KLK15: variants seen among roughly 807,000 people sequenced by gnomAD.
KLK15 encodes kallikrein-15.
In KLK15, 19 loss-of-function variants were observed where a neutral mutation model predicts 21.1. The observed-to-expected ratio is 0.90, with a 90% confidence interval of 0.63 to 1.32. The LOEUF is 1.32. Ranked by LOEUF, KLK15 falls within the 40% of genes most tolerant of loss-of-function variation. KLK15 has a pLI of 0.00. For synonymous variants in KLK15, 141 were observed against 141.5 expected (o/e 1.00, Z 0.03); for missense variants, 345 against 348.6 (o/e 0.99, Z 0.08).
At chr19:50,826,646 T>G in exon 4 of KLK15, 1 of 1,608,106 alleles carries the variant, frequency 6.2e-7, no homozygotes, top group Middle Eastern at 1.7e-4. Context: ...GCCTCTGCCC[T>G]CCGCGCCTGC....
intron 4 of KLK15, chr19:50,826,173 A>G (rs1024220154): frequency 1.2e-5 from 6 of 519,958 alleles, no homozygotes; most frequent in Non-Finnish European, 1.4e-5. Context: ...CCTATATCCA[A>G]TCTCACCCCC....
At chr19:50,828,447 A>C (rs1351461730) in intron 1 of KLK15, among the ~76,000 whole-genome samples, 1 of 151,566 alleles carries the variant, frequency 6.6e-6, no homozygotes, top group East Asian at 1.9e-4. Flanking sequence ...CGGTCACCAA[A>C]TTGTCACAGA....
At chr19:50,827,579 G>T (rs550967007) in intron 2 of KLK15, 83 bp downstream of exon 3, 4 of 1,427,244 alleles carry the variant, frequency 2.8e-6, no homozygotes, top group East Asian at 4.7e-5. Context: ...GAGTTCTGGC[G>T]TCTGCCTCCG....
At chr19:50,829,775 C>T (rs1190891291) in intron 1 of KLK15, among the ~76,000 whole-genome samples, 1 of 151,768 alleles carries the variant, frequency 6.6e-6, no homozygotes, top group East Asian at 1.9e-4. Context: ...TGAGGTTGCA[C>T]CACTGAACTC....
chr19:50,826,596 C>A (rs1199840343), intron 4 of KLK15, 25 bp downstream of exon 5: 1 of 1,560,976 alleles, frequency 6.4e-7, no homozygotes. Flanking sequence ...TCTTCTTCCG[C>A]CTGATGGCCC....
At chr19:50,826,828 G>C (rs758511227) in intron 3 of KLK15, 50 bp downstream of exon 4, 1 of 1,565,764 alleles carries the variant, frequency 6.4e-7, no homozygotes, top group Non-Finnish European at 8.6e-7. Flanking sequence ...AAGAGCCCTG[G>C]AGCATAGGAT....
chr19:50,826,615 T>C lies in KLK15; in HGVS notation c.618+6A>G, dbSNP rs768498262. The C allele has an allele frequency of 1.3e-6, 2 of 1,590,290 alleles. No homozygotes were observed. The highest frequency in any genetic ancestry group is 4.5e-5 in the East Asian group (2 of 44,716). ...CTTCCGCCTGATGGCCCCTCTAGGC[T>C]CTGACCTCACAGGATTCTGCGCCTC... On this transcript the variant is annotated splice_donor_region_variant and intron_variant, in intron 4 of 4. Transcript: ENST00000598239.
At chr19:50,830,685 A>G (rs1052381743) in intron 1 of KLK15, 1 of 173,778 alleles carries the variant, frequency 5.8e-6, no homozygotes, top group Non-Finnish European at 1.2e-5. Flanking sequence ...CAATTTCTCC[A>G]GAAGAGAGGC....
At chr19:50,833,574 G>T (rs1341212131), upstream of KLK15, among the ~76,000 whole-genome samples, 1 of 152,154 alleles carries the variant, frequency 6.6e-6, no homozygotes, top group Admixed American at 6.5e-5. Flanking sequence ...GGTGCCAGAA[G>T]GGAGCAGGTA....
chr19:50,831,469 G>A (rs1179130005), exon 1 of KLK15: 1 of 1,448,182 alleles, frequency 6.9e-7, no homozygotes, highest in Non-Finnish European at 9.0e-7. Context: ...CCAGCAGGAA[G>A]GAGAGAGTGA....
At chr19:50,827,734 C>T (rs200999769) in exon 2 of KLK15, 4 of 1,611,124 alleles carry the variant, frequency 2.5e-6, no homozygotes, top group Admixed American at 3.3e-5. Flanking sequence ...AAAGCGTCCA[C>T]GCTCGTAGAG....
In KLK15 at chr19:50,830,919, C is replaced by G. The variant is rs77074320; in HGVS notation, c.43+531G>C. Among the ~76,000 whole-genome samples the G allele has an allele frequency of 3.7e-3, 571 of 152,316 alleles. 1 individual carries two copies. Among genetic ancestry groups the G allele is most frequent in the Non-Finnish European group, 6.6e-3 (450 of 68,020 alleles). On this transcript the variant is annotated intron_variant, in intron 1 of 4. Coordinates refer to ENST00000598239, the Ensembl canonical transcript of KLK15. ...GGGCACTACCTGGGCCAGGCTTATG[C>G]TTCTGCCTCACACACAACCACATTT...
exon 5 of KLK15, chr19:50,825,891 C>G (rs777710085): frequency 1.2e-6 from 2 of 1,613,954 alleles, no homozygotes; most frequent in South Asian, 2.2e-5. Context: ...GGGACGTCAC[C>G]CCAGGACACA....
chr19:50,827,089 A>C lies in KLK15; in HGVS notation c.270T>G (p.Ser90=), dbSNP rs1226220744. 3.1e-6 allele frequency: 5 copies of C among 1,605,972 alleles called. No homozygotes were observed. In the South Asian group the frequency reaches 5.5e-5, roughly 18 times the overall value. Residue 90 remains serine (S), a synonymous_variant, in exon 3 of 5, where the codon TCT becomes TCG. Coordinates refer to ENST00000598239, the Ensembl canonical transcript of KLK15. ...CGTAGCGCGGGTGTGGAATGACCCG[A>C]GACGTGGTCCGTAGTTGCTCTGGGC...
At chr19:50,826,208 A>C in intron 4 of KLK15, 1 of 501,034 alleles carries the variant, frequency 2.0e-6, no homozygotes, top group Non-Finnish European at 3.5e-6. Flanking sequence ...CAACTGTACT[A>C]AGTTAAATCC....
At chr19:50,827,087 C>T in exon 3 of KLK15, 1 of 1,606,004 alleles carries the variant, frequency 6.2e-7, no homozygotes, top group Non-Finnish European at 8.5e-7. Flanking sequence ...TGGAATGACC[C>T]GAGACGTGGT....
intron 4 of KLK15, chr19:50,826,217 C>G: frequency 2.1e-6 from 1 of 485,444 alleles, no homozygotes; most frequent in South Asian, 3.6e-5. Context: ...TAAGTTAAAT[C>G]CAACTCAGCC....
upstream of KLK15, among the ~76,000 whole-genome samples, chr19:50,831,797 C>T (rs1009816569): frequency 6.6e-6 from 1 of 150,974 alleles, no homozygotes; most frequent in African/African-American, 2.4e-5. Flanking sequence ...CCATCATCAC[C>T]AAGGACCCCT....
In KLK15 at chr19:50,831,449, C is replaced by T; in HGVS notation, c.43+1G>A. ...CTGGCCCCCTCCTGGGGCCACCTCA[C>T]CTGTGGATGCCAGCAGGAAGGAGAG... On this transcript the variant is annotated splice_donor_variant, in intron 1 of 4. Transcript: ENST00000598239. LOFTEE classifies it high-confidence loss of function. The T allele has an allele frequency of 4.9e-6, 7 of 1,431,636 alleles. No individual in the cohort carries two copies. Among genetic ancestry groups the T allele is most frequent in the Non-Finnish European group, 6.4e-6 (7 of 1,096,592 alleles). 88.7% of individuals were successfully genotyped at this position (1,431,636 alleles called of 1,614,324 possible).
Sources: gnomAD v4.1 joint callset for allele counts (sites outside exome capture counted in the v4.1 genomes callset) on GRCh38, gnomAD v4.1.1 for gene constraint, MANE v1.5 for transcripts, NCBI Gene and HGNC (gene_info 2026-07-23, HGNC 2026-07-21) for gene names.